The following UGT1A5 variants were observed in gnomAD, a reference collection of about 807,000 sequenced individuals.
The protein encoded by UGT1A5 is UDP-glucuronosyltransferase 1A5.
UGT1A5 carries 29 observed loss-of-function variants against 40.3 expected under a neutral mutation model. The observed-to-expected ratio is 0.72, with a 90% CI of 0.54 to 0.98. The LOEUF (loss-of-function observed/expected upper bound fraction) is 0.98. Among genes scored for constraint, UGT1A5 ranks in the 50% least tolerant of loss-of-function variants. The pLI is 0.00. For missense variants in UGT1A5, 678 were observed against 677.9 expected (o/e 1.00, Z 0.00); for synonymous variants, 257 against 262.5 (o/e 0.98, Z 0.20).
intron 1 of UGT1A5, chr2:233,748,227 A>C (rs1693897590): frequency 1.4e-6 from 2 of 1,423,074 alleles, no homozygotes; most frequent in African/African-American, 2.9e-5. Context: ...ATAAACTGTT[A>C]AGGGGTCTCT....
At position 233,768,045 on chromosome 2, in the gene UGT1A5, A is replaced by G. The variant is rs1699553884; in HGVS notation, c.1087+109A>G. 10 of 1,608,356 alleles carry G rather than the reference A, an allele frequency of 6.2e-6. No individual in the cohort carries two copies. The Admixed American group carries it at 1.5e-4, about 25-fold the overall frequency. On this transcript the variant is annotated intron_variant, in intron 3 of 4. Coordinates refer to ENST00000373414, the MANE Select transcript of UGT1A5 (RefSeq NM_019078.2). ...TGAGCTTGAAAATATTATGGCCAAC[A>G]TATCCTACATTGCTTTTTATCTAGT...
chr2:233,762,827 TA>T (rs922323260), intron 1 of UGT1A5, among the ~76,000 whole-genome samples: 2 of 152,162 alleles, frequency 1.3e-5, no homozygotes, highest in African/African-American at 2.4e-5. Flanking sequence ...ATTTTCATAA[TA>T]AAAAATAATA....
intron 1 of UGT1A5, chr2:233,743,185 G>T (rs546323978): frequency 5.4e-6 from 2 of 372,628 alleles, no homozygotes; most frequent in Non-Finnish European, 1.1e-5. Flanking sequence ...ATGTGGACTG[G>T]AATTACTTGG....
At chr2:233,744,144 C>G (rs1446501937) in intron 1 of UGT1A5, 4 of 335,984 alleles carry the variant, frequency 1.2e-5, no homozygotes, top group Non-Finnish European at 2.3e-5. Context: ...CTGTGATGCT[C>G]CAAGACCAGG....
At position 233,725,077 on chromosome 2, in the gene UGT1A5, C is replaced by G. The variant is rs1449718817; in HGVS notation, c.867+11219C>G. On this transcript the variant is annotated intron_variant, in intron 1 of 4. Coordinates refer to ENST00000373414, the MANE Select transcript of UGT1A5 (RefSeq NM_019078.2). ...CGGCGCGCGCCTGCAATCGCAGGCACTCGGCAGGCTGAGGCAGGAGAATCA... is the reference window on the plus strand; with the variant it reads ...CGGCGCGCGCCTGCAATCGCAGGCAGTCGGCAGGCTGAGGCAGGAGAATCA... Among the ~76,000 whole-genome samples, 16 of 140,498 alleles carry G rather than the reference C, an allele frequency of 1.1e-4. 1 individual carries two copies. The highest frequency in any genetic ancestry group is 4.2e-4 in the African/African-American group (16 of 38,284). The allele number at this position is 140,498 out of a possible 152,430, so 92.2% of individuals were successfully genotyped here.
intron 1 of UGT1A5, among the ~76,000 whole-genome samples, chr2:233,748,243 C>G (rs570859275): frequency 6.6e-6 from 1 of 151,666 alleles, no homozygotes; most frequent in Non-Finnish European, 1.5e-5. Context: ...TCTCTAGTAG[C>G]GTATTTCAGG....
At chr2:233,736,701 G>T (rs1378628991) in intron 1 of UGT1A5, among the ~76,000 whole-genome samples, 1 of 152,172 alleles carries the variant, frequency 6.6e-6, no homozygotes, top group Non-Finnish European at 1.5e-5. Context: ...ATGGGGTTTT[G>T]GTGTAGATGT....
rs150592409 is a variant in UGT1A5, at chr2:233,726,667, G to A, written c.867+12809G>A. On this transcript the variant is annotated intron_variant, in intron 1 of 4. Coordinates refer to ENST00000373414, the MANE Select transcript of UGT1A5 (RefSeq NM_019078.2). ...TAAAACTCTTAATTTAATCATATCT[G>A]TGAAGTCTCTTCCACCTGTAACGGA... Among the ~76,000 whole-genome samples, 7 of 152,246 alleles carry A rather than the reference G, an allele frequency of 4.6e-5. No individual in the cohort carries two copies. The East Asian group carries it at 1.3e-3, about 29-fold the overall frequency.
intron 1 of UGT1A5, among the ~76,000 whole-genome samples, chr2:233,724,318 C>T (rs1409125726): frequency 1.2e-4 from 17 of 142,986 alleles, no homozygotes; most frequent in African/African-American, 3.4e-4. Context: ...CCGGACGGGG[C>T]GGCTGGCCAG....
rs1342292441 is a variant in UGT1A5, at chr2:233,772,794, G to A, written c.*235G>A. 35 of 1,212,802 alleles carry A rather than the reference G, an allele frequency of 2.9e-5. No individual in the cohort carries two copies. Among genetic ancestry groups the A allele is most frequent in the African/African-American group, 6.1e-5 (4 of 65,186 alleles). The allele number at this position is 1,212,802 out of a possible 1,614,324, so 75.1% of individuals were successfully genotyped here. On this transcript the variant is annotated 3_prime_UTR_variant, in exon 5 of 5. Transcript: ENST00000373414. ...CTGGTGTCTTTGATCAGGATGACAT[G>A]TGCCATTTTTCAGAGGACGTGCAGA...
At chr2:233,738,547 G>T (rs1209764817) in intron 1 of UGT1A5, among the ~76,000 whole-genome samples, 1 of 152,216 alleles carries the variant, frequency 6.6e-6, no homozygotes, top group African/African-American at 2.4e-5. Context: ...CTGAGTCTCA[G>T]ATAGAGATGA....
chr2:233,728,050 G>T (rs2077677324), intron 1 of UGT1A5, among the ~76,000 whole-genome samples: 1 of 152,214 alleles, frequency 6.6e-6, no homozygotes, highest in Non-Finnish European at 1.5e-5. Context: ...GCCTCATTGG[G>T]CTTGAGGCCC....
In UGT1A5 at chr2:233,760,344, G is replaced by A. The variant is rs897355036; in HGVS notation, c.868-6690G>A. The stretch of plus-strand genomic sequence containing the variant: ...TTGTCCTGGGCCTGCTGCTGTGTGT[G>A]CTGGGCCCAGTGGTGTCCCATGCTG... On this transcript the variant is annotated intron_variant, in intron 1 of 4. Transcript: ENST00000373414. 5.6e-6 allele frequency: 9 copies of A among 1,613,914 alleles called. No homozygotes were observed. The Admixed American group carries it at 1.3e-4, about 24-fold the overall frequency.
intron 1 of UGT1A5, among the ~76,000 whole-genome samples, chr2:233,732,197 G>T (rs1458776605): frequency 6.6e-6 from 1 of 152,132 alleles, no homozygotes; most frequent in Non-Finnish European, 1.5e-5. Flanking sequence ...TTAGCCCTTT[G>T]TCAGATGGGT....
intron 4 of UGT1A5, 29 bp downstream of exon 4, chr2:233,768,468 T>C: frequency 6.2e-7 from 1 of 1,604,616 alleles, no homozygotes; most frequent in Non-Finnish European, 8.5e-7. Context: ...AAGAATACTT[T>C]GGTCATGGCA....
At chr2:233,755,200 G>T in intron 1 of UGT1A5, 1 of 1,105,696 alleles carries the variant, frequency 9.0e-7, no homozygotes, top group Non-Finnish European at 1.3e-6. Context: ...GCCAGCTTGC[G>T]GTACGCCTTC....
At chr2:233,736,641 C>G (rs1209687241) in intron 1 of UGT1A5, among the ~76,000 whole-genome samples, 1 of 152,216 alleles carries the variant, frequency 6.6e-6, no homozygotes, top group Non-Finnish European at 1.5e-5. Context: ...AGTTTCCCCC[C>G]ATCTTTGTGG....
At chr2:233,725,697 GTAGT>G (rs2077468291) in intron 1 of UGT1A5, among the ~76,000 whole-genome samples, 1 of 152,126 alleles carries the variant, frequency 6.6e-6, no homozygotes, top group South Asian at 2.1e-4. Flanking sequence ...ATAGTCATAT[GTAGT>G]TAGTGACTAC....
At chr2:233,768,557 A>C in intron 4 of UGT1A5, 118 bp downstream of exon 4, 1 of 1,466,482 alleles carries the variant, frequency 6.8e-7, no homozygotes, top group Non-Finnish European at 9.0e-7. Flanking sequence ...AAACAAATAC[A>C]TAAAAATCTG....
Sources: allele counts gnomAD v4.1 joint callset (sites outside exome capture counted in the v4.1 genomes callset), GRCh38; gene constraint gnomAD v4.1.1; transcripts MANE v1.5; gene names NCBI Gene and HGNC (gene_info 2026-07-23, HGNC 2026-07-21).